The following FAM135A variants were observed in gnomAD, a reference collection of about 807,000 sequenced individuals.
FAM135A encodes the protein family with sequence similarity 135 member A, also known as protein FAM135A.
Under a neutral mutation model 146.8 loss-of-function variants are expected in FAM135A, and 79 were observed. The observed-to-expected ratio is 0.54, with a 90% CI of 0.45 to 0.65. The LOEUF (loss-of-function observed/expected upper bound fraction) is 0.65, where lower values mean the gene tolerates loss of function less well. FAM135A is among the 30% of genes least tolerant of loss of function. FAM135A has a pLI of 0.00. For missense variants in FAM135A, 1,623 were observed against 1,758.2 expected (o/e 0.92, Z 1.38); for synonymous variants, 562 against 603.6 (o/e 0.93, Z 1.01).
chr6:70,463,381 G>A (rs1486771746), intron 5 of FAM135A, among the ~76,000 whole-genome samples: 3 of 150,718 alleles, frequency 2.0e-5, no homozygotes, highest in Non-Finnish European at 4.4e-5. Flanking sequence ...TCTCAAAGTA[G>A]CTGGGACTAC....
At chr6:70,418,274 C>G (rs760506040) in intron 2 of FAM135A, 6 of 152,216 alleles carry the variant, frequency 3.9e-5, no homozygotes, top group Admixed American at 1.3e-4. Flanking sequence ...TGATGATGAT[C>G]TACAGAGTGA....
chr6:70,550,098 G>T (rs552466337), intron 20 of FAM135A, among the ~76,000 whole-genome samples: 13 of 152,190 alleles, frequency 8.5e-5, no homozygotes, highest in Non-Finnish European at 1.8e-4. Context: ...TCTAATTGTA[G>T]TTCTCTTGCT....
At chr6:70,489,751 A>G (rs1785499189) in intron 10 of FAM135A, among the ~76,000 whole-genome samples, 1 of 152,166 alleles carries the variant, frequency 6.6e-6, no homozygotes, top group Admixed American at 6.5e-5. Flanking sequence ...CTGTAGTTGT[A>G]CATGCTAGTA....
At chr6:70,418,263 GTGA>G (rs1315063217) in intron 2 of FAM135A, 7 of 152,220 alleles carry the variant, frequency 4.6e-5, no homozygotes, top group African/African-American at 1.7e-4. Context: ...AAGGTCATGA[GTGA>G]TGATGATCTA....
At chr6:70,429,461 C>T (rs1221327094) in intron 4 of FAM135A, among the ~76,000 whole-genome samples, 2 of 151,338 alleles carry the variant, frequency 1.3e-5, no homozygotes, top group Non-Finnish European at 2.9e-5. Flanking sequence ...TGCAGTGAGC[C>T]GAGATTGCGC....
At chr6:70,489,882 C>T (rs975958348) in intron 10 of FAM135A, among the ~76,000 whole-genome samples, 5 of 152,014 alleles carry the variant, frequency 3.3e-5, no homozygotes, top group African/African-American at 9.7e-5. Context: ...GCTTCAGGGT[C>T]GCAGGAGCCC....
intron 4 of FAM135A, among the ~76,000 whole-genome samples, chr6:70,447,869 C>T (rs1389770103): frequency 6.6e-6 from 1 of 152,158 alleles, no homozygotes; most frequent in Non-Finnish European, 1.5e-5. Context: ...TGGAGTATTT[C>T]CTTTATCCAC....
chr6:70,482,718 A>G (rs1330467086), intron 10 of FAM135A, among the ~76,000 whole-genome samples: 1 of 152,160 alleles, frequency 6.6e-6, no homozygotes, highest in Non-Finnish European at 1.5e-5. Flanking sequence ...TTTGTAGTGC[A>G]TAATAAAAAA....
At chr6:70,538,871 G>T (rs1797320570) in intron 20 of FAM135A, among the ~76,000 whole-genome samples, 1 of 131,876 alleles carries the variant, frequency 7.6e-6, no homozygotes, top group African/African-American at 2.7e-5. Flanking sequence ...TGGCTAGCAA[G>T]CATTTCTGAA....
intron 1 of FAM135A, chr6:70,413,937 C>A (rs1320417432): frequency 5.1e-6 from 5 of 985,422 alleles, no homozygotes; most frequent in Non-Finnish European, 6.0e-6. Flanking sequence ...CGGCGCGCTG[C>A]TCTCCCGGTG....
At chr6:70,545,154 T>A (rs1307117335) in intron 20 of FAM135A, among the ~76,000 whole-genome samples, 1 of 152,034 alleles carries the variant, frequency 6.6e-6, no homozygotes, top group Non-Finnish European at 1.5e-5. Context: ...CTTAGGAAAA[T>A]TTTTTTAACA....
chr6:70,544,585 A>G (rs1798509393), intron 20 of FAM135A, among the ~76,000 whole-genome samples: 1 of 151,022 alleles, frequency 6.6e-6, no homozygotes, highest in African/African-American at 2.4e-5. Flanking sequence ...ACAAAAAAAT[A>G]CAAAAATTAG....
At chr6:70,494,053 C>CAAAAAAAA in intron 11 of FAM135A, among the ~76,000 whole-genome samples, 1 of 81,996 alleles carries the variant, frequency 1.2e-5, no homozygotes, top group Non-Finnish European at 2.5e-5. Context: ...GACTCTGTCT[C>CAAAAAAAA]AAAAAAAAAA....
intron 5 of FAM135A, among the ~76,000 whole-genome samples, chr6:70,464,443 A>G (rs2128109510): frequency 1.3e-5 from 2 of 152,284 alleles, no homozygotes; most frequent in Admixed American, 1.3e-4. Context: ...AAAGCAGTGA[A>G]AAAGATTAAT....
chr6:70,533,711 T>C, intron 17 of FAM135A, 46 bp from the exon 18 acceptor site: 4 of 1,128,450 alleles, frequency 3.5e-6, no homozygotes, highest in Non-Finnish European at 5.1e-6. Flanking sequence ...TTCATGTGAT[T>C]ATACATATTC....
At position 70,532,169 on chromosome 6, in the gene FAM135A, C is replaced by T. The variant is rs151311786; in HGVS notation, c.3776-991C>T. Among the ~76,000 whole-genome samples, 463 of 152,148 alleles carry T rather than the reference C, an allele frequency of 3.0e-3. 1 individual carries two copies. Among genetic ancestry groups the T allele is most frequent in the African/African-American group, 0.01 (417 of 41,538 alleles). On this transcript the variant is annotated intron_variant, in intron 16 of 21. Transcript: ENST00000418814. ...GGGATTACAGGCGTGAGCCACCGTG[C>T]CCGGCCTCAAACTGATTTCTTATCC...
intron 5 of FAM135A, among the ~76,000 whole-genome samples, chr6:70,464,833 ATTTTTTTTTTTTT>A (rs67408160): frequency 6.2e-5 from 4 of 64,322 alleles, no homozygotes; most frequent in Non-Finnish European, 8.3e-5. Flanking sequence ...CGCCTGGCCA[ATTTTTTTTTTTTT>A]TTTTTTTTTT....
At position 70,525,328 on chromosome 6, in the gene FAM135A, A is replaced by G. The variant is rs1259254865; in HGVS notation, c.2244A>G (p.Val748=). ...APSTKEYHVV[V]SGDTIKLPDI... ...CTACAAAAGAATATCATGTTGTAGT[A>G]AGTGGAGATACAATTAAGTTACCAG... The change falls in exon 15 of 22, where the codon GTA becomes GTG. Residue 748 remains valine, a synonymous_variant. Coordinates refer to ENST00000418814, the MANE Select transcript of FAM135A (RefSeq NM_001162529.3). The G allele has an allele frequency of 6.2e-7, 1 of 1,612,786 alleles. No individual in the cohort carries two copies. The highest frequency in any genetic ancestry group is 1.1e-5 in the South Asian group (1 of 90,734).
In FAM135A at chr6:70,422,394, T is replaced by G. The variant is rs117844197; in HGVS notation, c.-133-4045T>G. Among the ~76,000 whole-genome samples the G allele has an allele frequency of 1.9e-3, 288 of 152,368 alleles. 3 individuals carry two copies. The South Asian group carries it at 0.021, about 11-fold the overall frequency. On this transcript the variant is annotated intron_variant, in intron 2 of 21. Transcript: ENST00000418814. ...TCTCCTTTTCCTTTAGTCCCTTTTT[T>G]GTATTTTTTCTTCTACTACAAAAAT...
Sources: gnomAD v4.1 joint callset for allele counts (sites outside exome capture counted in the v4.1 genomes callset) on GRCh38, gnomAD v4.1.1 for gene constraint, MANE v1.5 for transcripts, NCBI Gene and HGNC (gene_info 2026-07-23, HGNC 2026-07-21) for gene names.